SEMA5A: variants seen among roughly 807,000 people sequenced by gnomAD.
SEMA5A encodes semaphorin-5A.
Under a neutral mutation model 135.5 loss-of-function variants are expected in SEMA5A, and 55 were observed. The ratio of observed to expected loss-of-function variants is 0.41; its 90% confidence interval spans 0.33 to 0.51. SEMA5A has a LOEUF of 0.51. Among genes scored for constraint, SEMA5A ranks in the 20% least tolerant of loss-of-function variants. SEMA5A has a pLI of 0.37. For missense variants in SEMA5A, 1,290 were observed against 1,419.9 expected, an observed-to-expected ratio of 0.91 and a Z score of 1.47; for synonymous variants, 580 against 546.5, an observed-to-expected ratio of 1.06 and a Z score of -0.85.
At chr5:9,210,418 T>A (rs1746281431) in intron 8 of SEMA5A, among the ~76,000 whole-genome samples, 2 of 152,168 alleles carry the variant, frequency 1.3e-5, no homozygotes, top group Admixed American at 1.3e-4. Context: ...CCACACAGGC[T>A]TTTCTACTTT....
intron 3 of SEMA5A, among the ~76,000 whole-genome samples, chr5:9,370,833 C>T (rs3798004): frequency 0.047 from 7,099 of 152,240 alleles, 256 homozygotes; most frequent in East Asian, 0.18. Context: ...AAGAAAGATA[C>T]TGCCTAATTA....
At chr5:9,237,033 G>A (rs1282490973) in intron 6 of SEMA5A, among the ~76,000 whole-genome samples, 2 of 152,132 alleles carry the variant, frequency 1.3e-5, no homozygotes, top group Non-Finnish European at 2.9e-5. Flanking sequence ...GACCAACTTT[G>A]CATAGCAAGC....
intron 13 of SEMA5A, among the ~76,000 whole-genome samples, chr5:9,134,979 A>C (rs1031143310): frequency 6.6e-6 from 1 of 152,156 alleles, no homozygotes; most frequent in Non-Finnish European, 1.5e-5. Context: ...GGCTACTAAA[A>C]TAATAGATCT....
chr5:9,484,891 T>C (rs1257526203), intron 1 of SEMA5A, among the ~76,000 whole-genome samples: 1 of 152,170 alleles, frequency 6.6e-6, no homozygotes, highest in Non-Finnish European at 1.5e-5. Context: ...AGAGTCAGCG[T>C]AGTATCTATC....
chr5:9,098,886 G>A (rs964007741), intron 16 of SEMA5A, among the ~76,000 whole-genome samples: 1 of 152,184 alleles, frequency 6.6e-6, no homozygotes, highest in South Asian at 2.1e-4. Context: ...TACAATTTAA[G>A]TCACTTTTAC....
intron 11 of SEMA5A, among the ~76,000 whole-genome samples, chr5:9,171,946 G>A (rs1405843008): frequency 6.6e-6 from 1 of 152,156 alleles, no homozygotes; most frequent in Non-Finnish European, 1.5e-5. Context: ...GCAAAGAACT[G>A]ATCACTTGAG....
intron 3 of SEMA5A, among the ~76,000 whole-genome samples, chr5:9,341,090 A>G (rs1753628082): frequency 6.6e-6 from 1 of 151,702 alleles, no homozygotes; most frequent in Non-Finnish European, 1.5e-5. Flanking sequence ...TTTTTATTAC[A>G]CTCCCTTGTT....
chr5:9,063,568 C>T (rs1175228892), intron 17 of SEMA5A, among the ~76,000 whole-genome samples: 1 of 152,160 alleles, frequency 6.6e-6, no homozygotes, highest in African/African-American at 2.4e-5. Context: ...AGCTGTTAAC[C>T]TTTCAAAGGT....
intron 11 of SEMA5A, among the ~76,000 whole-genome samples, chr5:9,189,644 C>G (rs1435502256): frequency 6.6e-6 from 1 of 152,156 alleles, no homozygotes; most frequent in East Asian, 1.9e-4. Flanking sequence ...CAGCCAGGTC[C>G]CTACAGCTGG....
In SEMA5A at chr5:9,197,240, A is replaced by C; in HGVS notation, c.996T>G (p.Ser332=). 6.2e-7 allele frequency: 1 copy of C among 1,614,220 alleles called. No homozygotes were observed. The highest frequency in any genetic ancestry group is 8.5e-7 in the Non-Finnish European group (1 of 1,180,038). Residue 332 remains serine (S), a synonymous_variant, in exon 10 of 23, where the codon TCT becomes TCG. Coordinates refer to ENST00000382496, the MANE Select transcript of SEMA5A (RefSeq NM_003966.3). ...FNLSAIAQAF[S]GPFKYQENSR... is the part of the protein sequence containing the mutation. ...AGTTTTCTTGGTACTTGAAGGGCCC[A>C]GAGAAGGCCTGCGCGATGGCGCTCA...
In SEMA5A at chr5:9,054,224, G is replaced by T. The variant is rs900101688; in HGVS notation, c.2552C>A (p.Thr851Lys). ...DGVWSCWSPW[T>K]KCSATCGGGH... ...ACCGCCGCATGTTGCTGAACATTTTGTCCAGGGGGACCAGCAAGACCACAC... is the reference window on the plus strand; with the variant it reads ...ACCGCCGCATGTTGCTGAACATTTTTTCCAGGGGGACCAGCAAGACCACAC... Residue 851 changes from threonine (T) to lysine (K), a missense_variant, in exon 19 of 23, where the codon ACA (threonine) becomes AAA (lysine). This residue lies in a region of SEMA5A where 1,029 missense variants were observed against 1,086.6 expected (regional missense o/e 0.95). Coordinates refer to ENST00000382496, the MANE Select transcript of SEMA5A (RefSeq NM_003966.3). 6 of 1,613,904 alleles carry T rather than the reference G, an allele frequency of 3.7e-6. No homozygotes were observed. The highest frequency in any genetic ancestry group is 5.1e-6 in the Non-Finnish European group (6 of 1,179,942).
intron 2 of SEMA5A, among the ~76,000 whole-genome samples, chr5:9,403,804 C>T (rs1323630076): frequency 6.6e-6 from 1 of 152,180 alleles, no homozygotes; most frequent in Non-Finnish European, 1.5e-5. Context: ...AGTAACTGTT[C>T]ACAGACAGCT....
intron 15 of SEMA5A, among the ~76,000 whole-genome samples, chr5:9,113,385 G>A (rs1740345045): frequency 6.6e-6 from 1 of 152,038 alleles, no homozygotes; most frequent in African/African-American, 2.4e-5. Flanking sequence ...GGACTTAAAG[G>A]ACATGGCCAG....
chr5:9,183,084 G>A (rs888509470), intron 11 of SEMA5A, among the ~76,000 whole-genome samples: 4 of 152,124 alleles, frequency 2.6e-5, no homozygotes, highest in Non-Finnish European at 5.9e-5. Flanking sequence ...AAGGATTCAA[G>A]TATTTGGTGC....
chr5:9,359,941 A>G (rs1307849246), intron 3 of SEMA5A, among the ~76,000 whole-genome samples: 5 of 152,216 alleles, frequency 3.3e-5, no homozygotes, highest in African/African-American at 1.2e-4. Context: ...TGATTCTCCT[A>G]AGGTTGTCTA....
intron 1 of SEMA5A, among the ~76,000 whole-genome samples, chr5:9,478,054 C>G (rs1759737966): frequency 6.6e-6 from 1 of 152,186 alleles, no homozygotes; most frequent in African/African-American, 2.4e-5. Context: ...ACAGACATGA[C>G]TATAGGGGCC....
chr5:9,275,496 T>C (rs1750211323), intron 5 of SEMA5A, among the ~76,000 whole-genome samples: 1 of 152,072 alleles, frequency 6.6e-6, no homozygotes, highest in Non-Finnish European at 1.5e-5. Context: ...GCCAGCATCA[T>C]CCTAATACCA....
At chr5:9,459,690 T>C (rs1758984250) in intron 1 of SEMA5A, among the ~76,000 whole-genome samples, 1 of 152,252 alleles carries the variant, frequency 6.6e-6, no homozygotes, top group Non-Finnish European at 1.5e-5. Flanking sequence ...ATGTATGTTC[T>C]TTTAAGTCAC....
At chr5:9,338,400 G>A (rs544672219) in intron 3 of SEMA5A, among the ~76,000 whole-genome samples, 17 of 151,982 alleles carry the variant, frequency 1.1e-4, no homozygotes, top group African/African-American at 3.9e-4. Flanking sequence ...TTTTTCTAAG[G>A]GAAATCAGAA....
Sources: gnomAD v4.1 joint callset for allele counts (sites outside exome capture counted in the v4.1 genomes callset) on GRCh38, gnomAD v4.1.1 for gene constraint, gnomAD v4.1.1 regional missense constraint, MANE v1.5 for transcripts, NCBI Gene and HGNC (gene_info 2026-07-23, HGNC 2026-07-21) for gene names.